Variants in NBAS observed in about 807,000 individuals in gnomAD.
NBAS encodes the protein NAG/BC035112 fusion.
NBAS carries 219 observed loss-of-function variants against 302.5 expected under a neutral mutation model. That is an observed-to-expected ratio of 0.72 (90% CI 0.65 to 0.81). NBAS has a LOEUF of 0.81. Among genes scored for constraint, NBAS ranks in the 30% least tolerant of loss-of-function variants. NBAS has a pLI of 0.00. For missense variants in NBAS, 2,932 were observed against 2,841.6 expected, an observed-to-expected ratio of 1.03 and a Z score of -0.72; for synonymous variants, 1,118 against 1,021.6, an observed-to-expected ratio of 1.09 and a Z score of -1.80.
intron 21 of NBAS, among the ~76,000 whole-genome samples, chr2:15,451,605 C>T (rs1403805878): frequency 1.3e-5 from 2 of 151,912 alleles, no homozygotes; most frequent in Admixed American, 6.6e-5. Context: ...TCAATTTGAC[C>T]TAAATCAAAT....
chr2:15,149,027 T>C, the NBAS span, among the ~76,000 whole-genome samples: 2 of 152,304 alleles, frequency 1.3e-5, no homozygotes, highest in East Asian at 1.9e-4. Context: ...ATCACTCCAG[T>C]TAAATGGTTA....
chr2:15,105,330 T>C, the NBAS span, among the ~76,000 whole-genome samples: 12 of 152,088 alleles, frequency 7.9e-5, no homozygotes, highest in Admixed American at 5.2e-4. Flanking sequence ...ATGGGTGCAG[T>C]AAACCACCAT....
At chr2:15,455,906 T>A (rs1371103794) in intron 21 of NBAS, among the ~76,000 whole-genome samples, 1 of 152,116 alleles carries the variant, frequency 6.6e-6, no homozygotes, top group Non-Finnish European at 1.5e-5. Flanking sequence ...ATAATCTTTC[T>A]GAAATATGCT....
At chr2:15,278,125 G>C (rs888464956) in intron 42 of NBAS, among the ~76,000 whole-genome samples, 12 of 152,162 alleles carry the variant, frequency 7.9e-5, no homozygotes, top group African/African-American at 2.9e-4. Context: ...AGTGCCCAAA[G>C]ACATGTTTTT....
intron 10 of NBAS, among the ~76,000 whole-genome samples, chr2:15,510,563 C>T (rs151142415): frequency 3.9e-4 from 59 of 152,330 alleles, no homozygotes; most frequent in African/African-American, 1.3e-3. Flanking sequence ...ACAGAAATTT[C>T]AGGACTTTGC....
chr2:15,161,651 C>T, the NBAS span, among the ~76,000 whole-genome samples: 2 of 152,180 alleles, frequency 1.3e-5, no homozygotes, highest in Non-Finnish European at 2.9e-5. Context: ...TGTTTCACCC[C>T]GGGCCTGCAG....
At chr2:15,352,460 G>A (rs1375413276) in intron 34 of NBAS, among the ~76,000 whole-genome samples, 1 of 152,162 alleles carries the variant, frequency 6.6e-6, no homozygotes, top group Non-Finnish European at 1.5e-5. Flanking sequence ...CTTTAGAGCA[G>A]GAATGAAAGG....
At chr2:15,025,088 A>T in the NBAS span, among the ~76,000 whole-genome samples, 1 of 152,146 alleles carries the variant, frequency 6.6e-6, no homozygotes, top group African/African-American at 2.4e-5. Flanking sequence ...AAGGTTTTAT[A>T]GTTTTAGATT....
chr2:15,432,491 C>T (rs1428805811), intron 21 of NBAS, among the ~76,000 whole-genome samples: 1 of 152,056 alleles, frequency 6.6e-6, no homozygotes, highest in Non-Finnish European at 1.5e-5. Flanking sequence ...ACAATTCTCC[C>T]ACCAATTATT....
Position 15,167,498 on chromosome 2 carries a change from C to T in NBAS, c.6841-175G>A, listed in dbSNP as rs141159985. Reference sequence around the variant, plus strand: ...GTAGGTCACAGATTGGGATGACAGACGGGGCTCCTCTTAACATAAGAAGAC... The same window carrying T: ...GTAGGTCACAGATTGGGATGACAGATGGGGCTCCTCTTAACATAAGAAGAC... On this transcript the variant is annotated intron_variant, in intron 51 of 51. Transcript: ENST00000281513. 5.3e-5 allele frequency among the ~76,000 whole-genome samples: 8 copies of T among 152,254 alleles called. No individual in the cohort carries two copies. The East Asian group carries it at 5.8e-4, about 11-fold the overall frequency.
At chr2:15,232,655 A>G in intron 46 of NBAS, 144 bp from the exon 47 acceptor site, 1 of 728,646 alleles carries the variant, frequency 1.4e-6, no homozygotes, top group Non-Finnish European at 2.4e-6. Context: ...TGTGATGTCT[A>G]CAAATGTACG....
intron 35 of NBAS, among the ~76,000 whole-genome samples, chr2:15,350,412 A>G (rs1372180429): frequency 6.6e-6 from 1 of 152,200 alleles, no homozygotes; most frequent in Non-Finnish European, 1.5e-5. Flanking sequence ...ACCAATCTAT[A>G]TAGAGAATCA....
At chr2:15,088,236 G>A in the NBAS span, among the ~76,000 whole-genome samples, 1 of 152,198 alleles carries the variant, frequency 6.6e-6, no homozygotes, top group Non-Finnish European at 1.5e-5. Flanking sequence ...GGAGCCAAAA[G>A]AGAAAGAATC....
intron 28 of NBAS, among the ~76,000 whole-genome samples, chr2:15,389,496 G>A (rs1195659968): frequency 6.6e-6 from 1 of 152,090 alleles, no homozygotes; most frequent in African/African-American, 2.4e-5. Context: ...AAGAGTTGAT[G>A]GTATACTGTG....
chr2:15,436,162 C>T (rs964160718), intron 21 of NBAS, among the ~76,000 whole-genome samples: 3 of 152,108 alleles, frequency 2.0e-5, no homozygotes, highest in Non-Finnish European at 4.4e-5. Flanking sequence ...CTCTTAAGAA[C>T]TAGAAAGACA....
chr2:15,386,907 C>A (rs2148392545), intron 28 of NBAS, among the ~76,000 whole-genome samples: 1 of 152,014 alleles, frequency 6.6e-6, no homozygotes, highest in South Asian at 2.1e-4. Flanking sequence ...TATAAATATT[C>A]TCTTCATATT....
At chr2:15,113,060 T>TA in the NBAS span, among the ~76,000 whole-genome samples, 3 of 152,070 alleles carry the variant, frequency 2.0e-5, no homozygotes, top group Admixed American at 6.6e-5. Context: ...ATATGCAATT[T>TA]AAAAAAACCT....
intron 51 of NBAS, among the ~76,000 whole-genome samples, chr2:15,172,358 T>A (rs1326228415): frequency 1.3e-5 from 2 of 152,240 alleles, no homozygotes; most frequent in African/African-American, 4.8e-5. Flanking sequence ...CTCTTTCACA[T>A]GTGAAGGATT....
the NBAS span, among the ~76,000 whole-genome samples, chr2:14,784,960 GTTC>G: frequency 9.2e-5 from 14 of 152,300 alleles, no homozygotes; most frequent in Admixed American, 5.9e-4. Context: ...AGCATGGAAT[GTTC>G]TTCCATTTCT....
Sources: gnomAD v4.1 joint callset for allele counts (sites outside exome capture counted in the v4.1 genomes callset) on GRCh38, gnomAD v4.1.1 for gene constraint, MANE v1.5 for transcripts, NCBI Gene and HGNC (gene_info 2026-07-23, HGNC 2026-07-21) for gene names.